MSL2: variants seen among roughly 807,000 people sequenced by gnomAD.
The protein encoded by MSL2 is E3 ubiquitin-protein ligase MSL2.
MSL2 carries 2 observed loss-of-function variants against 35.8 expected under a neutral mutation model. The ratio of observed to expected loss-of-function variants is 0.06; its 90% confidence interval spans 0.02 to 0.18. The LOEUF (loss-of-function observed/expected upper bound fraction) is 0.18, where lower values mean the gene tolerates loss of function less well. MSL2 is among the 10% of genes least tolerant of loss of function. The pLI is 1.00. For synonymous variants in MSL2, 296 were observed against 255.7 expected, an observed-to-expected ratio of 1.16 and a Z score of -1.50; for missense variants, 523 against 706.7, an observed-to-expected ratio of 0.74 and a Z score of 2.95.
intron 1 of MSL2, among the ~76,000 whole-genome samples, chr3:136,191,614 T>C (rs1940693542): frequency 6.6e-6 from 1 of 152,132 alleles, no homozygotes; most frequent in African/African-American, 2.4e-5. Flanking sequence ...ACCCTCTCCC[T>C]ACAAAAACTT....
intron 1 of MSL2, among the ~76,000 whole-genome samples, chr3:136,191,434 C>T (rs1481343964): frequency 6.8e-6 from 1 of 147,930 alleles, no homozygotes; most frequent in Admixed American, 6.8e-5. Flanking sequence ...CGCCACTGCA[C>T]TCCAGCCTGG....
chr3:136,173,036 G>A lies in MSL2; in HGVS notation c.143-20298C>T, dbSNP rs146779836. 2.5e-3 allele frequency among the ~76,000 whole-genome samples: 377 copies of A among 152,178 alleles called. 2 individuals are homozygous for A. Among genetic ancestry groups the A allele is most frequent in the Non-Finnish European group, 3.9e-3 (262 of 67,990 alleles). On this transcript the variant is annotated intron_variant, in intron 1 of 1. Coordinates refer to ENST00000309993, the MANE Select transcript of MSL2 (RefSeq NM_018133.4). ...AAACCAGCCAGGCATGGTGGTGTGC[G>A]CCTGTAATCCCAGCTACTTGGGAGG...
chr3:136,164,560 TAGAA>T (rs1398887756), intron 1 of MSL2, among the ~76,000 whole-genome samples: 1 of 152,190 alleles, frequency 6.6e-6, no homozygotes, highest in Non-Finnish European at 1.5e-5. Flanking sequence ...ATGTGAGAAA[TAGAA>T]AAGAGTCATT....
intron 1 of MSL2, among the ~76,000 whole-genome samples, chr3:136,162,485 G>A (rs970097183): frequency 6.6e-6 from 1 of 152,066 alleles, no homozygotes; most frequent in African/African-American, 2.4e-5. Context: ...AAGAGGCTAA[G>A]ATGAGACGAT....
intron 1 of MSL2, among the ~76,000 whole-genome samples, chr3:136,162,502 A>G (rs1939737028): frequency 6.6e-6 from 1 of 152,076 alleles, no homozygotes; most frequent in Non-Finnish European, 1.5e-5. Flanking sequence ...CGATGGCTTG[A>G]GCCTGGGCCA....
rs1939407708 is a variant in MSL2 at position 136,152,714 on chromosome 3, G to C, written c.167C>G (p.Ala56Gly). Residue 56 changes from alanine to glycine, a missense_variant, in exon 2 of 2, where the codon GCA (alanine) becomes GGA (glycine). Coordinates refer to ENST00000309993, the MANE Select transcript of MSL2 (RefSeq NM_018133.4). ...ATGTTGGCAGGTGGAGTTGGTGGGT[G>C]CAATAGGATCTTGTAGCAAATGTCC... The part of the protein sequence containing the change: ...VCGHLLQDPI[A>G]PTNSTCQHYV... 1 of 1,613,918 alleles carries C rather than the reference G, an allele frequency of 6.2e-7. No individual in the cohort carries two copies.
At chr3:136,160,582 C>T (rs1199313588) in intron 1 of MSL2, among the ~76,000 whole-genome samples, 1 of 151,732 alleles carries the variant, frequency 6.6e-6, no homozygotes, top group African/African-American at 2.4e-5. Context: ...TGGTGGCATG[C>T]ACCTGTAGTC....
At chr3:136,173,317 C>T (rs964587636) in intron 1 of MSL2, among the ~76,000 whole-genome samples, 35 of 152,286 alleles carry the variant, frequency 2.3e-4, no homozygotes, top group African/African-American at 7.2e-4. Flanking sequence ...GACCCAATAT[C>T]GAAGTGCCTA....
At chr3:136,190,189 G>C (rs1243817343) in intron 1 of MSL2, among the ~76,000 whole-genome samples, 1 of 152,194 alleles carries the variant, frequency 6.6e-6, no homozygotes, top group Non-Finnish European at 1.5e-5. Flanking sequence ...TGTCTTCCCA[G>C]TAACACTGAC....
chr3:136,193,338 G>C lies in MSL2; in HGVS notation c.142+1634C>G, dbSNP rs1448082933. Among the ~76,000 whole-genome samples the C allele has an allele frequency of 2.0e-5, 3 of 152,032 alleles. No individual in the cohort carries two copies. In the East Asian group the frequency reaches 5.8e-4, roughly 29 times the overall value. ...ACTACCATTTCCCACTTAAATTAGA[G>C]AGCTAAGTTTCACCCATCTAGTAAA... On this transcript the variant is annotated intron_variant, in intron 1 of 1. Coordinates refer to ENST00000309993, the MANE Select transcript of MSL2 (RefSeq NM_018133.4).
chr3:136,154,461 C>T (rs1939459579), intron 1 of MSL2, among the ~76,000 whole-genome samples: 1 of 152,158 alleles, frequency 6.6e-6, no homozygotes, highest in Non-Finnish European at 1.5e-5. Context: ...TGCAACTGCT[C>T]CTTGGTTCCC....
intron 1 of MSL2, among the ~76,000 whole-genome samples, chr3:136,172,419 T>A (rs955894474): frequency 1.3e-5 from 2 of 152,096 alleles, no homozygotes; most frequent in Non-Finnish European, 2.9e-5. Flanking sequence ...CTCTCTCACT[T>A]CCACCTTCAA....
At chr3:136,159,027 G>T (rs1448668875) in intron 1 of MSL2, among the ~76,000 whole-genome samples, 1 of 152,120 alleles carries the variant, frequency 6.6e-6, no homozygotes, top group Non-Finnish European at 1.5e-5. Flanking sequence ...CCCCAAAATT[G>T]ATGTGTCTGT....
chr3:136,192,955 G>C (rs1378173724), intron 1 of MSL2, among the ~76,000 whole-genome samples: 5 of 152,042 alleles, frequency 3.3e-5, no homozygotes, highest in Non-Finnish European at 7.4e-5. Context: ...CAAAGAGATG[G>C]GAGGAAAAAA....
rs1482690409 is a variant in MSL2, at chr3:136,196,010, G to A, written c.-897C>T. ...CGCCACACACACAGACGACTCCTCCGCCGAGCACGACGGCCGCCGCCGCCC... is the reference window on the plus strand; with the variant it reads ...CGCCACACACACAGACGACTCCTCCACCGAGCACGACGGCCGCCGCCGCCC... On this transcript the variant is annotated 5_prime_UTR_variant, in exon 1 of 2. Coordinates refer to ENST00000309993, the MANE Select transcript of MSL2 (RefSeq NM_018133.4). 5.5e-6 allele frequency: 1 copy of A among 180,392 alleles called. No individual in the cohort carries two copies. The highest frequency in any genetic ancestry group is 1.1e-5 in the Non-Finnish European group (1 of 93,688). 11.2% of individuals were successfully genotyped at this position (180,392 alleles called of 1,614,324 possible). A position where few individuals can be genotyped will look rare whatever the true frequency, so the allele number is the denominator to read the frequency against.
intron 1 of MSL2, among the ~76,000 whole-genome samples, chr3:136,188,544 A>T (rs918702817): frequency 2.0e-5 from 3 of 152,054 alleles, no homozygotes; most frequent in Admixed American, 2.0e-4. Flanking sequence ...CAGGCCAGGA[A>T]TTCAAGACCA....
chr3:136,187,116 A>C (rs899754868), intron 1 of MSL2, among the ~76,000 whole-genome samples: 1 of 152,242 alleles, frequency 6.6e-6, no homozygotes, highest in Non-Finnish European at 1.5e-5. Context: ...CATTTTATCA[A>C]GTACATGTTA....
chr3:136,164,089 AAAAC>A (rs1939778070), intron 1 of MSL2, among the ~76,000 whole-genome samples: 1 of 152,252 alleles, frequency 6.6e-6, no homozygotes, highest in Admixed American at 6.5e-5. Context: ...TTTAAAAAAG[AAAAC>A]AAAATCAGTT....
intron 1 of MSL2, among the ~76,000 whole-genome samples, chr3:136,166,062 TAAAAAAAAAAAAA>T (rs34420183): frequency 1.4e-4 from 11 of 80,062 alleles, no homozygotes; most frequent in Non-Finnish European, 2.1e-4. Flanking sequence ...TACGTACCAG[TAAAAAAAAAAAAA>T]AAAAAAAAAA....
Sources: allele counts gnomAD v4.1 joint callset (sites outside exome capture counted in the v4.1 genomes callset), GRCh38; gene constraint gnomAD v4.1.1; transcripts MANE v1.5; gene names NCBI Gene and HGNC (gene_info 2026-07-23, HGNC 2026-07-21).